Variants in RANBP2 observed in about 807,000 individuals in gnomAD.
RANBP2 encodes E3 SUMO-protein ligase RanBP2.
A neutral mutation model predicts 303.6 loss-of-function variants in RANBP2; 57 were observed. That is an observed-to-expected ratio of 0.19 (90% CI 0.15 to 0.23). The LOEUF (loss-of-function observed/expected upper bound fraction) is 0.23, where lower values mean the gene tolerates loss of function less well. RANBP2 is among the 10% of genes least tolerant of loss of function. The pLI, the probability that RANBP2 is intolerant of heterozygous loss-of-function variation, is 1.00. For missense variants in RANBP2, 3,138 were observed against 3,780.8 expected, an observed-to-expected ratio of 0.83 and a Z score of 4.46; for synonymous variants, 1,167 against 1,301.5, an observed-to-expected ratio of 0.90 and a Z score of 2.23.
At chr2:109,129,631 CGGCGGCGTCG>C in the RANBP2 span, 1 of 1,492,618 alleles carries the variant, frequency 6.7e-7, no homozygotes, top group African/African-American at 1.5e-5. Context: ...AGGCGAGCGA[CGGCGGCGTCG>C]GGCGGCGGCC....
At chr2:109,487,579 A>G in the RANBP2 span, among the ~76,000 whole-genome samples, 1 of 152,214 alleles carries the variant, frequency 6.6e-6, no homozygotes, top group African/African-American at 2.4e-5. Context: ...AAAATTATCC[A>G]TCACATTTAC....
At chr2:109,026,034 C>T in the RANBP2 span, among the ~76,000 whole-genome samples, 1 of 152,136 alleles carries the variant, frequency 6.6e-6, no homozygotes, top group African/African-American at 2.4e-5. Flanking sequence ...GCTTGCAGTT[C>T]AGAGCAGGTG....
the RANBP2 span, among the ~76,000 whole-genome samples, chr2:109,417,717 C>A: frequency 6.6e-6 from 1 of 152,172 alleles, no homozygotes; most frequent in Non-Finnish European, 1.5e-5. Flanking sequence ...TTCTGCCAGG[C>A]GCACTGGGTT....
chr2:109,570,200 G>C, the RANBP2 span, among the ~76,000 whole-genome samples: 1 of 152,184 alleles, frequency 6.6e-6, no homozygotes, highest in Non-Finnish European at 1.5e-5. Flanking sequence ...TTTAGAATTT[G>C]TCTCTCATCA....
At chr2:109,686,499 T>C in the RANBP2 span, among the ~76,000 whole-genome samples, 1 of 152,162 alleles carries the variant, frequency 6.6e-6, no homozygotes, top group East Asian at 1.9e-4. Context: ...ATTTTTAGTA[T>C]AGACGGGGTT....
the RANBP2 span, among the ~76,000 whole-genome samples, chr2:109,256,665 T>G: frequency 2.0e-5 from 3 of 152,304 alleles, no homozygotes; most frequent in East Asian, 5.8e-4. Flanking sequence ...GTCTTCGTGG[T>G]CTAAGTTTTG....
the RANBP2 span, among the ~76,000 whole-genome samples, chr2:109,357,722 A>G: frequency 7.9e-5 from 12 of 152,058 alleles, no homozygotes; most frequent in South Asian, 2.5e-3. Context: ...GCTCATTTTC[A>G]TTGCTCTGTG....
At chr2:109,700,824 G>C in the RANBP2 span, among the ~76,000 whole-genome samples, 3 of 152,018 alleles carry the variant, frequency 2.0e-5, no homozygotes, top group Non-Finnish European at 2.9e-5. Flanking sequence ...CAACAGATCC[G>C]AGGAGTCAAT....
At chr2:109,233,763 C>T in the RANBP2 span, among the ~76,000 whole-genome samples, 1 of 152,208 alleles carries the variant, frequency 6.6e-6, no homozygotes, top group Admixed American at 6.5e-5. Flanking sequence ...CTGTTCCTGC[C>T]GTTTTGCATT....
At chr2:108,797,689 A>G in the RANBP2 span, among the ~76,000 whole-genome samples, 2 of 152,278 alleles carry the variant, frequency 1.3e-5, no homozygotes, top group East Asian at 1.9e-4. Context: ...AAGCATGTAT[A>G]TATGTATTTT....
chr2:109,068,302 G>C, the RANBP2 span, among the ~76,000 whole-genome samples: 31 of 152,306 alleles, frequency 2.0e-4, no homozygotes, highest in Non-Finnish European at 8.8e-5. Flanking sequence ...GGTGTTCTAG[G>C]CACCCAGTGG....
At chr2:109,692,161 A>T in the RANBP2 span, among the ~76,000 whole-genome samples, 1 of 152,082 alleles carries the variant, frequency 6.6e-6, no homozygotes, top group African/African-American at 2.4e-5. Flanking sequence ...CTGAATCAGG[A>T]GTGGATAAAA....
At chr2:109,187,402 G>A in the RANBP2 span, among the ~76,000 whole-genome samples, 1 of 151,546 alleles carries the variant, frequency 6.6e-6, no homozygotes, top group Non-Finnish European at 1.5e-5. Flanking sequence ...AGCTAAGATG[G>A]TGCTTAAGGC....
chr2:109,286,914 AT>A, the RANBP2 span, among the ~76,000 whole-genome samples: 1 of 152,172 alleles, frequency 6.6e-6, no homozygotes, highest in Non-Finnish European at 1.5e-5. Context: ...GTGAGTCTGC[AT>A]CTGAAAAGAC....
the RANBP2 span, among the ~76,000 whole-genome samples, chr2:108,955,079 T>A: frequency 6.6e-6 from 1 of 152,064 alleles, no homozygotes; most frequent in African/African-American, 2.4e-5. Context: ...ATAATAGCAT[T>A]AAAGGGTAGT....
At chr2:109,432,426 C>A in the RANBP2 span, 8 of 1,562,626 alleles carry the variant, frequency 5.1e-6, no homozygotes, top group South Asian at 5.9e-5. Context: ...AAGACAACCT[C>A]CCCCCAGGAA....
chr2:109,360,431 A>C, the RANBP2 span, among the ~76,000 whole-genome samples: 1 of 152,338 alleles, frequency 6.6e-6, no homozygotes, highest in African/African-American at 2.4e-5. Flanking sequence ...CATGCACAAA[A>C]TTATTAAAAT....
At chr2:109,576,689 T>C in the RANBP2 span, among the ~76,000 whole-genome samples, 1 of 152,302 alleles carries the variant, frequency 6.6e-6, no homozygotes, top group East Asian at 1.9e-4. Flanking sequence ...TAACCATAAA[T>C]GTACCTCTAT....
chr2:108,900,362 C>G, the RANBP2 span, among the ~76,000 whole-genome samples: 1 of 152,102 alleles, frequency 6.6e-6, no homozygotes, highest in African/African-American at 2.4e-5. Context: ...TCTAGACCAG[C>G]CTGGTCAACA....
Sources: allele counts gnomAD v4.1 joint callset (sites outside exome capture counted in the v4.1 genomes callset), GRCh38; gene constraint gnomAD v4.1.1; transcripts MANE v1.5; gene names NCBI Gene and HGNC (gene_info 2026-07-23, HGNC 2026-07-21).